PRKD2: variants seen among roughly 807,000 people sequenced by gnomAD.
The protein encoded by PRKD2 is serine/threonine-protein kinase D2.
Under a neutral mutation model 86.0 loss-of-function variants are expected in PRKD2, and 22 were observed. The observed-to-expected ratio is 0.26, with a 90% CI of 0.18 to 0.37. The LOEUF (loss-of-function observed/expected upper bound fraction) is 0.37. PRKD2 is among the 10% of genes least tolerant of loss of function. The probability of loss-of-function intolerance (pLI) is 1.00; values close to 1 mark genes in which losing one functional copy is unlikely to be tolerated. For synonymous variants in PRKD2, 509 were observed against 510.9 expected (o/e 1.00, Z 0.05); for missense variants, 818 against 1,199.2 (o/e 0.68, Z 4.70).
intron 5 of PRKD2, among the ~76,000 whole-genome samples, chr19:46,702,009 T>C (rs1486399910): frequency 2.6e-5 from 4 of 151,632 alleles, no homozygotes; most frequent in Non-Finnish European, 4.4e-5. Context: ...AAAAACCTAT[T>C]TTATGAAGGT....
Position 46,700,368 on chromosome 19 carries a change from C to T in PRKD2, c.1121+431G>A, listed in dbSNP as rs1240066893. On this transcript the variant is annotated intron_variant, in intron 7 of 17. Coordinates refer to ENST00000291281, the MANE Select transcript of PRKD2 (RefSeq NM_016457.5). ...CACACCACTGCACTCCAGTGGGCAA[C>T]AAAGCAAGACCCTTTGGGAGGCTGA... Among the ~76,000 whole-genome samples, 4 of 151,900 alleles carry T rather than the reference C, an allele frequency of 2.6e-5. No homozygotes were observed. In the South Asian group the frequency reaches 8.3e-4, roughly 32 times the overall value.
intron 13 of PRKD2, among the ~76,000 whole-genome samples, chr19:46,690,181 C>T (rs2053463518): frequency 6.6e-6 from 1 of 152,084 alleles, no homozygotes; most frequent in Non-Finnish European, 1.5e-5. Flanking sequence ...CAGTCCTATC[C>T]TGGCCTAACC....
At chr19:46,675,237 G>T in intron 16 of PRKD2, 119 bp from the exon 17 acceptor site, 1 of 815,846 alleles carries the variant, frequency 1.2e-6, no homozygotes, top group Non-Finnish European at 2.0e-6. Context: ...AGCTCAGGTG[G>T]CTCAGAAGCC....
chr19:46,713,742 A>C, intron 2 of PRKD2, 121 bp downstream of exon 2: 3 of 983,674 alleles, frequency 3.0e-6, no homozygotes, highest in Non-Finnish European at 4.4e-6. Flanking sequence ...AAGTGCTGGG[A>C]TCACAGGCGT....
intron 1 of PRKD2, 99 bp from the exon 2 acceptor site, chr19:46,714,100 C>A: frequency 6.8e-7 from 1 of 1,477,350 alleles, no homozygotes; most frequent in Admixed American, 2.2e-5. Flanking sequence ...GCTGTTTCCC[C>A]CGGAAACGCA....
rs201530743 is a variant in PRKD2 at position 46,693,937 on chromosome 19, C to T, written c.1514G>A (p.Arg505His). 151 of 1,610,786 alleles carry T rather than the reference C, an allele frequency of 9.4e-5. No homozygotes were observed. The highest frequency in any genetic ancestry group is 2.2e-5 in the East Asian group (1 of 44,886). The stretch of plus-strand genomic sequence containing the variant: ...AAGGATGACGGGCATCAGGGCCTGG[C>T]GGATGGCTGTCTCCCAGCCCCGGGC... ...EAARGWETAI[R>H]QALMPVILQD... Residue 505 changes from arginine to histidine, a missense_variant, in exon 10 of 18, where the codon CGC (arginine) becomes CAC (histidine). Transcript: ENST00000291281. The surrounding 1 kb of genome is among the most constrained non-coding windows in gnomAD (Gnocchi z 4.5).
chr19:46,689,266 C>T (rs987287722), intron 14 of PRKD2, among the ~76,000 whole-genome samples: 8 of 151,888 alleles, frequency 5.3e-5, no homozygotes, highest in Admixed American at 2.6e-4. Context: ...GGACTACAGG[C>T]GCCTGCCACC....
intron 14 of PRKD2, 92 bp downstream of exon 14, chr19:46,689,445 C>A (rs1385810262): frequency 6.4e-6 from 9 of 1,408,882 alleles, no homozygotes; most frequent in Non-Finnish European, 8.6e-6. Flanking sequence ...GTGACTCCCC[C>A]AAGTGTCTGC....
intron 5 of PRKD2, 107 bp from the exon 6 acceptor site, chr19:46,701,219 G>C: frequency 8.3e-7 from 1 of 1,205,968 alleles, no homozygotes; most frequent in South Asian, 1.3e-5. Flanking sequence ...TACTCTTGCT[G>C]TCTGGGTAAG....
intron 17 of PRKD2, 84 bp from the exon 18 acceptor site, chr19:46,674,819 G>C: frequency 3.5e-6 from 5 of 1,432,292 alleles, no homozygotes; most frequent in Non-Finnish European, 4.7e-6. Context: ...TGAGAGCTGG[G>C]TACCAATGAA....
chr19:46,697,348 C>CT (rs2053574857), intron 8 of PRKD2, 114 bp from the exon 9 acceptor site: 1 of 756,312 alleles, frequency 1.3e-6, no homozygotes, highest in Non-Finnish European at 2.2e-6. Flanking sequence ...CGCCGTAACT[C>CT]TAGCACCTAC....
intron 8 of PRKD2, 69 bp from the exon 9 acceptor site, chr19:46,697,303 G>C: frequency 8.2e-7 from 1 of 1,218,244 alleles, no homozygotes; most frequent in South Asian, 1.4e-5. Context: ...CCGTGGAGCT[G>C]CTTGGGGCTC....
chr19:46,699,371 C>G (rs932389672), intron 7 of PRKD2, among the ~76,000 whole-genome samples: 2 of 152,244 alleles, frequency 1.3e-5, no homozygotes, highest in African/African-American at 4.8e-5. Context: ...TGTCTCCCCA[C>G]TGAGGCAGTC....
chr19:46,714,031 G>A (rs1599845647), intron 1 of PRKD2, 30 bp from the exon 2 acceptor site: 1 of 1,608,630 alleles, frequency 6.2e-7, no homozygotes, highest in Non-Finnish European at 8.5e-7. Context: ...TGTGGCGACG[G>A]AAAAGCTCAG....
At chr19:46,711,654 A>G (rs549277260) in intron 2 of PRKD2, among the ~76,000 whole-genome samples, 1 of 152,240 alleles carries the variant, frequency 6.6e-6, no homozygotes, top group Non-Finnish European at 1.5e-5. Flanking sequence ...CGGTCTCTCA[A>G]AGTGTTGGGA....
intron 15 of PRKD2, among the ~76,000 whole-genome samples, chr19:46,679,648 G>A (rs1016651268): frequency 5.1e-4 from 77 of 152,062 alleles, no homozygotes; most frequent in African/African-American, 1.7e-3. Context: ...TTTTTGAGAC[G>A]GAGTCTCGCT....
intron 14 of PRKD2, among the ~76,000 whole-genome samples, chr19:46,687,196 C>G (rs1002108673): frequency 6.6e-6 from 1 of 151,982 alleles, no homozygotes; most frequent in Non-Finnish European, 1.5e-5. Context: ...AGTTGAAGAC[C>G]AGCCTGGGCA....
chr19:46,682,701 ATTTTTTT>A (rs71177241), intron 14 of PRKD2, among the ~76,000 whole-genome samples: 2 of 102,874 alleles, frequency 1.9e-5, no homozygotes, highest in East Asian at 2.5e-4. Flanking sequence ...ATGTGATTCT[ATTTTTTT>A]TTTTTTTTTT....
chr19:46,714,490 C>CGGGGGGGGGGG (rs1254751346), intron 1 of PRKD2: 8 of 43,554 alleles, frequency 1.8e-4, no homozygotes, highest in Non-Finnish European at 1.9e-4. Context: ...GGGGGGGGGC[C>CGGGGGGGGGGG]GGGGGACTTG....
Sources: allele counts gnomAD v4.1 joint callset (sites outside exome capture counted in the v4.1 genomes callset), GRCh38; gene constraint gnomAD v4.1.1; non-coding constraint Gnocchi (gnomAD v3.1); transcripts MANE v1.5; gene names NCBI Gene and HGNC (gene_info 2026-07-23, HGNC 2026-07-21).